KNTC1: variants seen among roughly 807,000 people sequenced by gnomAD.
The protein encoded by KNTC1 is kinetochore-associated protein 1.
Under a neutral mutation model 314.4 loss-of-function variants are expected in KNTC1, and 253 were observed. The observed-to-expected ratio is 0.80, with a 90% CI of 0.73 to 0.89. The LOEUF (loss-of-function observed/expected upper bound fraction) is 0.89. KNTC1 is among the 40% of genes least tolerant of loss of function. The pLI, the probability that KNTC1 is intolerant of heterozygous loss-of-function variation, is 0.00. For missense variants in KNTC1, 2,475 were observed against 2,572.9 expected, an observed-to-expected ratio of 0.96 and a Z score of 0.82; for synonymous variants, 901 against 901.4, an observed-to-expected ratio of 1.00 and a Z score of 0.01.
intron 18 of KNTC1, among the ~76,000 whole-genome samples, chr12:122,558,621 G>A (rs1185459359): frequency 6.6e-6 from 1 of 151,944 alleles, no homozygotes; most frequent in Admixed American, 6.6e-5. Context: ...TCTCATGCCT[G>A]TAGTCCCAGT....
intron 62 of KNTC1, among the ~76,000 whole-genome samples, chr12:122,623,231 T>C (rs1593701300): frequency 6.6e-6 from 1 of 152,232 alleles, no homozygotes; most frequent in African/African-American, 2.4e-5. Context: ...AGCATCACTT[T>C]TGTTAAACCT....
chr12:122,532,206 CTTT>C (rs139344183), intron 2 of KNTC1, among the ~76,000 whole-genome samples: 4,885 of 99,324 alleles, frequency 0.049, 271 homozygotes, highest in African/African-American at 0.17. Flanking sequence ...GCTAATTTTT[CTTT>C]TTTTTTTTTT....
chr12:122,611,765 T>C (rs974717259), intron 53 of KNTC1: 4 of 152,214 alleles, frequency 2.6e-5, no homozygotes, highest in African/African-American at 9.6e-5. Context: ...AACGGTGTCA[T>C]ATTTGCATGT....
Position 122,601,586 on chromosome 12 carries a change from A to G in KNTC1, c.4614A>G (p.Glu1538=). ...TTGAAGTTGTCTTGAAAGTTATAGA[A>G]CGAGCTGATGAAAAGATAACCAATA... is the stretch of plus-strand genomic sequence containing the variant. The part of the protein sequence containing the change: ...EMIEVVLKVI[E]RADEKITNIN... The change falls in exon 45 of 64, where the codon GAA becomes GAG. Residue 1538 remains glutamate, a synonymous_variant. Coordinates refer to ENST00000333479, the MANE Select transcript of KNTC1 (RefSeq NM_014708.6). The G allele has an allele frequency of 1.3e-6, 2 of 1,538,562 alleles. No homozygotes were observed. The highest frequency in any genetic ancestry group is 1.2e-5 in the South Asian group (1 of 80,332).
intron 50 of KNTC1, 69 bp from the exon 51 acceptor site, chr12:122,605,237 A>G: frequency 2.7e-6 from 3 of 1,126,472 alleles, no homozygotes; most frequent in Non-Finnish European, 3.9e-6. Context: ...ATATACACAT[A>G]CACATATAAG....
chr12:122,541,981 C>T, intron 5 of KNTC1, 69 bp from the exon 6 acceptor site: 5 of 1,422,954 alleles, frequency 3.5e-6, no homozygotes, highest in Non-Finnish European at 3.7e-6. Flanking sequence ...CGCTGCTGCA[C>T]TCCAGCCTAG....
intron 44 of KNTC1, 127 bp from the exon 45 acceptor site, chr12:122,601,409 T>C (rs988712461): frequency 2.4e-6 from 2 of 847,536 alleles, no homozygotes; most frequent in Admixed American, 3.8e-5. Context: ...TTTAAGGGAG[T>C]AATTAATTTA....
intron 9 of KNTC1, 105 bp from the exon 10 acceptor site, chr12:122,546,517 C>T (rs1377462668): frequency 1.3e-6 from 1 of 768,508 alleles, no homozygotes; most frequent in African/African-American, 1.8e-5. Context: ...AAAATGGGAC[C>T]TAGTAATTAT....
rs747672965 is a variant in KNTC1 at position 122,591,464 on chromosome 12, T to G, written c.4245+11T>G. The stretch of plus-strand genomic sequence containing the variant: ...CTTGGTAAACTTGGTGTGAGTATTC[T>G]TTGTACTGCTGTCATCGATTCTGTT... On this transcript the variant is annotated intron_variant, in intron 42 of 63. Coordinates refer to ENST00000333479, the MANE Select transcript of KNTC1 (RefSeq NM_014708.6). 1 of 1,237,030 alleles carries G rather than the reference T, an allele frequency of 8.1e-7. No individual in the cohort carries two copies. The highest frequency in any genetic ancestry group is 1.8e-5 in the Admixed American group (1 of 56,710). The allele number at this position is 1,237,030 out of a possible 1,614,324, so 76.6% of individuals were successfully genotyped here.
intron 50 of KNTC1, 86 bp from the exon 51 acceptor site, chr12:122,605,220 T>C: frequency 1.9e-6 from 2 of 1,070,790 alleles, no homozygotes; most frequent in South Asian, 1.5e-5. Flanking sequence ...TGTGTATGTA[T>C]GTGCATATAT....
chr12:122,599,182 G>C (rs1018524188), intron 44 of KNTC1, among the ~76,000 whole-genome samples: 1 of 151,470 alleles, frequency 6.6e-6, no homozygotes, highest in Non-Finnish European at 1.5e-5. Context: ...GCCCAGGTTG[G>C]CCTCTAACTC....
At position 122,612,596 on chromosome 12, in the gene KNTC1, T is replaced by C. The variant is rs533936462; in HGVS notation, c.5623-516T>C. Among the ~76,000 whole-genome samples the C allele has an allele frequency of 5.3e-4, 81 of 151,782 alleles. 1 individual carries two copies. The highest frequency in any genetic ancestry group is 3.4e-3 in the Middle Eastern group (1 of 294). On this transcript the variant is annotated intron_variant, in intron 53 of 63. Transcript: ENST00000333479. ...ACCACACCCGGCTAATTTTTGTATT[T>C]TTAGTAGAGACGTGGGTTTCACCAT...
intron 18 of KNTC1, 31 bp downstream of exon 18, chr12:122,557,720 T>G (rs531430870): frequency 1.1e-5 from 17 of 1,507,728 alleles, no homozygotes; most frequent in Non-Finnish European, 1.3e-5. Flanking sequence ...TTTGTTTTTT[T>G]GGGGCAGGGG....
intron 13 of KNTC1, among the ~76,000 whole-genome samples, chr12:122,550,851 G>A (rs1056901436): frequency 6.6e-6 from 1 of 152,156 alleles, no homozygotes; most frequent in African/African-American, 2.4e-5. Context: ...TCGCCACCCT[G>A]TGGTTTTGTA....
chr12:122,610,309 A>C (rs1411959683), intron 52 of KNTC1, among the ~76,000 whole-genome samples: 2 of 152,180 alleles, frequency 1.3e-5, no homozygotes, highest in African/African-American at 4.8e-5. Context: ...GAAAAAGGAA[A>C]TCCCAAAAGG....
chr12:122,564,692 G>C (rs1054090937), intron 20 of KNTC1, among the ~76,000 whole-genome samples: 2 of 151,824 alleles, frequency 1.3e-5, no homozygotes, highest in African/African-American at 4.8e-5. Context: ...CGCCGGTCTT[G>C]AACTCCTGAG....
intron 45 of KNTC1, 186 bp from the exon 46 acceptor site, chr12:122,602,383 C>G (rs565586341): frequency 1.5e-5 from 7 of 469,650 alleles, no homozygotes; most frequent in Non-Finnish European, 2.6e-5. Context: ...TTCCTTTAAT[C>G]ATTGTATATA....
At chr12:122,599,950 TC>T (rs1471205331) in intron 44 of KNTC1, among the ~76,000 whole-genome samples, 2 of 151,998 alleles carry the variant, frequency 1.3e-5, no homozygotes, top group African/African-American at 4.8e-5. Context: ...GCCCAGGAGG[TC>T]AAGGCTGCAG....
At chr12:122,569,371 C>T (rs1964545291) in intron 21 of KNTC1, among the ~76,000 whole-genome samples, 1 of 152,164 alleles carries the variant, frequency 6.6e-6, no homozygotes, top group African/African-American at 2.4e-5. Flanking sequence ...CATAACTTGC[C>T]GTGATGCCCT....
Sources: allele counts gnomAD v4.1 joint callset (sites outside exome capture counted in the v4.1 genomes callset), GRCh38; gene constraint gnomAD v4.1.1; transcripts MANE v1.5; gene names NCBI Gene and HGNC (gene_info 2026-07-23, HGNC 2026-07-21).